Variants in PPFIBP2 observed in about 807,000 individuals in gnomAD.
The protein encoded by PPFIBP2 is liprin-beta-2.
PPFIBP2 carries 118 observed loss-of-function variants against 118.3 expected under a neutral mutation model. The ratio of observed to expected loss-of-function variants is 1.00; its 90% CI spans 0.86 to 1.16. PPFIBP2 has a LOEUF of 1.16. Ranked by LOEUF, PPFIBP2 falls within the 50% of genes most tolerant of loss-of-function variation. The pLI is 0.00. For missense variants in PPFIBP2, 1,195 were observed against 1,073.1 expected (o/e 1.11, Z -1.59); for synonymous variants, 414 against 397.4 (o/e 1.04, Z -0.50).
At chr11:7,529,112 C>G (rs1369258733) in intron 1 of PPFIBP2, among the ~76,000 whole-genome samples, 1 of 151,940 alleles carries the variant, frequency 6.6e-6, no homozygotes, top group Admixed American at 6.6e-5. Context: ...GTTGGGGGAG[C>G]ATCTGGGCTG....
intron 3 of PPFIBP2, among the ~76,000 whole-genome samples, chr11:7,581,499 CTAATGTGAGACTT>C (rs1178734235): frequency 6.6e-6 from 1 of 152,022 alleles, no homozygotes. Context: ...ACTCAAGCTG[CTAATGTGAGACTT>C]TATTCTGTGT....
chr11:7,590,434 A>G (rs1250494279), intron 3 of PPFIBP2, among the ~76,000 whole-genome samples: 1 of 151,646 alleles, frequency 6.6e-6, no homozygotes, highest in Non-Finnish European at 1.5e-5. Context: ...TAGAACAGTG[A>G]TTGGGGTGGG....
At chr11:7,652,818 C>G (rs1422670221) in intron 23 of PPFIBP2, among the ~76,000 whole-genome samples, 1 of 152,176 alleles carries the variant, frequency 6.6e-6, no homozygotes, top group Non-Finnish European at 1.5e-5. Context: ...AGGGGCAGCT[C>G]TTATTGTTCA....
At chr11:7,539,559 T>C (rs1364925691) in intron 1 of PPFIBP2, 1 of 152,340 alleles carries the variant, frequency 6.6e-6, no homozygotes, top group Non-Finnish European at 1.5e-5. Context: ...TTTATTTCCT[T>C]TCATTTTCTC....
rs559769289 is a variant in PPFIBP2 at position 7,653,221 on chromosome 11, C to T, written c.*3C>T. On this transcript the variant is annotated 3_prime_UTR_variant, in exon 24 of 24. Transcript: ENST00000299492. ...ACCAGGTGGGACAGATTAGCTGATG[C>T]CCTTGTCACCTGCCCTCTGTGCACC... The T allele has an allele frequency of 2.1e-5, 34 of 1,614,052 alleles. No homozygotes were observed. The South Asian group carries it at 3.5e-4, about 17-fold the overall frequency.
At chr11:7,663,749 C>T in the PPFIBP2 span, among the ~76,000 whole-genome samples, 15 of 152,098 alleles carry the variant, frequency 9.9e-5, no homozygotes, top group African/African-American at 1.9e-4. Context: ...CCCCCAGCCT[C>T]GCTGCTGCCT....
Position 7,649,608 on chromosome 11 carries a change from T to C in PPFIBP2, c.2075T>C (p.Val692Ala), listed in dbSNP as rs1178553920. 1 of 1,614,208 alleles carries C rather than the reference T, an allele frequency of 6.2e-7. No individual in the cohort carries two copies. Residue 692 changes from valine to alanine, a missense_variant, in exon 21 of 24, where the codon GTC becomes GCC. Physicochemically the swap from Val to Ala is moderately conservative, Grantham distance 64 (BLOSUM62 0). Coordinates refer to ENST00000299492, the MANE Select transcript of PPFIBP2 (RefSeq NM_003621.5). ...SIKCAIHVLHVNKFNPHCLHR... is the reference protein window; with the variant it reads ...SIKCAIHVLHANKFNPHCLHR... ...AAATGTGCCATTCACGTGCTGCATG[T>C]CAACAAGTTCAACCCCCACTGCCTG...
chr11:7,646,451 G>C (rs1030411857), intron 17 of PPFIBP2, among the ~76,000 whole-genome samples: 11 of 152,210 alleles, frequency 7.2e-5, no homozygotes, highest in African/African-American at 2.4e-4. Context: ...GATAAATATT[G>C]ATCAGTCATG....
At position 7,597,572 on chromosome 11, in the gene PPFIBP2, ACAGAC is replaced by A. The variant is rs1860583826; in HGVS notation, c.388_392del (p.Asp130SerfsTer26). The A allele has an allele frequency of 1.2e-6, 2 of 1,613,824 alleles. No individual in the cohort carries two copies. Among genetic ancestry groups the A allele is most frequent in the Non-Finnish European group, 1.7e-6 (2 of 1,179,884 alleles). On this transcript the variant is annotated frameshift_variant, in exon 5 of 24. Transcript: ENST00000299492. LOFTEE classifies it high-confidence loss of function. ...TTTCCTGGAACAGGTGAGTGTCCTC[ACAGAC>A]CAAGTAGAAGCCCAGGGAGAAAAGA...
Position 7,598,202 on chromosome 11 carries a change from C to T in PPFIBP2, c.486+529C>T, listed in dbSNP as rs759808429. The T allele has an allele frequency of 3.5e-5, 7 of 201,740 alleles. 1 individual carries two copies. In the South Asian group the frequency reaches 4.2e-4, roughly 12 times the overall value. The allele number at this position is 201,740 out of a possible 1,614,324, so 12.5% of individuals were successfully genotyped here. The stretch of plus-strand genomic sequence containing the variant: ...TGTCTTCTCCTTGTTTTCTTTTTGT[C>T]CTTGTTATGTGTACATGTACTTTCC... On this transcript the variant is annotated intron_variant, in intron 5 of 23. Coordinates refer to ENST00000299492, the MANE Select transcript of PPFIBP2 (RefSeq NM_003621.5).
At chr11:7,549,609 C>CCTTT (rs758609398) in intron 2 of PPFIBP2, 70 bp downstream of exon 2, 28 of 1,143,790 alleles carry the variant, frequency 2.4e-5, no homozygotes, top group Non-Finnish European at 3.1e-5. Context: ...TCTCCTTTTA[C>CCTTT]TTTTTTTTTT....
At chr11:7,664,392 C>G in the PPFIBP2 span, among the ~76,000 whole-genome samples, 65 of 152,250 alleles carry the variant, frequency 4.3e-4, no homozygotes, top group African/African-American at 1.4e-3. Context: ...GCTGCTGTCA[C>G]TTTGGGCTGC....
At chr11:7,591,908 G>A (rs1326619928) in intron 3 of PPFIBP2, among the ~76,000 whole-genome samples, 1 of 152,234 alleles carries the variant, frequency 6.6e-6, no homozygotes, top group African/African-American at 2.4e-5. Context: ...GGTGGGATGA[G>A]GGGAGGAAGG....
At chr11:7,585,520 A>G (rs889275346) in intron 3 of PPFIBP2, among the ~76,000 whole-genome samples, 1 of 152,230 alleles carries the variant, frequency 6.6e-6, no homozygotes. Context: ...GTGCTACAGA[A>G]CTGCCCTCAT....
downstream of PPFIBP2, chr11:7,655,625 CAGCCTG>C (rs893884574): frequency 1.9e-5 from 14 of 756,236 alleles, no homozygotes; most frequent in African/African-American, 1.3e-4. Context: ...GCTGGGGTCA[CAGCCTG>C]AGCCTGAGCC....
chr11:7,526,599 C>T (rs928938969), intron 1 of PPFIBP2, among the ~76,000 whole-genome samples: 11 of 152,164 alleles, frequency 7.2e-5, no homozygotes, highest in African/African-American at 2.7e-4. Context: ...CGGCCGGGTG[C>T]GGTGGCTCAC....
chr11:7,558,306 G>A (rs9988853), intron 2 of PPFIBP2, among the ~76,000 whole-genome samples: 77,765 of 152,036 alleles, frequency 0.51, 21,594 homozygotes, highest in African/African-American at 0.74. Context: ...TGATACACAT[G>A]GTTTCTGTTT....
intron 6 of PPFIBP2, chr11:7,617,132 T>C: frequency 1.0e-6 from 1 of 985,374 alleles, no homozygotes; most frequent in Non-Finnish European, 1.2e-6. Flanking sequence ...ATGTGATCAG[T>C]GAGCTGCAGG....
At chr11:7,631,059 T>G in intron 11 of PPFIBP2, 31 bp downstream of exon 11, 1 of 1,557,564 alleles carries the variant, frequency 6.4e-7, no homozygotes, top group East Asian at 2.2e-5. Context: ...ACGTAGGGTT[T>G]CAGCAGGTCC....
Sources: allele counts gnomAD v4.1 joint callset (sites outside exome capture counted in the v4.1 genomes callset), GRCh38; gene constraint gnomAD v4.1.1; transcripts MANE v1.5; gene names NCBI Gene and HGNC (gene_info 2026-07-23, HGNC 2026-07-21).